WNT2: variants seen among roughly 807,000 people sequenced by gnomAD.
WNT2 encodes protein Wnt-2.
WNT2 carries 12 observed loss-of-function variants against 36.9 expected under a neutral mutation model. That is an observed-to-expected ratio of 0.33 (90% CI 0.21 to 0.53). The LOEUF is 0.53. Among genes scored for constraint, WNT2 ranks in the 20% least tolerant of loss-of-function variants. The probability of loss-of-function intolerance (pLI) is 0.95; values close to 1 mark genes in which losing one functional copy is unlikely to be tolerated. For synonymous variants in WNT2, 163 were observed against 174.6 expected (o/e 0.93, Z 0.52); for missense variants, 379 against 473.1 (o/e 0.80, Z 1.84).
At chr7:117,300,970 G>C (rs1794893501) in intron 3 of WNT2, 1 of 152,162 alleles carries the variant, frequency 6.6e-6, no homozygotes, top group African/African-American at 2.4e-5. Flanking sequence ...TGGGGATGCT[G>C]TTGAGCTGCT....
intron 3 of WNT2, among the ~76,000 whole-genome samples, chr7:117,306,789 T>C (rs927404359): frequency 6.6e-6 from 1 of 152,238 alleles, no homozygotes; most frequent in Non-Finnish European, 1.5e-5. Flanking sequence ...TACTTGTTCA[T>C]GTGACATAGC....
At chr7:117,314,972 C>T (rs1795188501) in intron 3 of WNT2, 99 bp downstream of exon 3, 1 of 1,513,630 alleles carries the variant, frequency 6.6e-7, no homozygotes, top group Admixed American at 2.0e-5. Flanking sequence ...TGTGACTACA[C>T]AGCATTTTAT....
intron 4 of WNT2, among the ~76,000 whole-genome samples, chr7:117,287,231 G>A (rs1563198819): frequency 1.3e-5 from 2 of 152,302 alleles, no homozygotes; most frequent in East Asian, 3.9e-4. Context: ...TGTAGTCCCA[G>A]CTACTCAGGA....
chr7:117,297,866 C>A lies in WNT2; in HGVS notation c.599G>T (p.Arg200Leu). Residue 200 changes from arginine (R) to leucine (L), a missense_variant, in exon 4 of 5, where the codon CGG becomes CTG. Transcript: ENST00000265441. ...NNRAGRKAVKRFLKQECKCHG... is the reference protein window; with the variant it reads ...NNRAGRKAVKLFLKQECKCHG... ...GCACTTGCACTCTTGTTTCAAGAAC[C>A]GCTTTACAGCCTGCCGAAAAAGACA... 1.2e-6 allele frequency: 2 copies of A among 1,608,476 alleles called. No individual in the cohort carries two copies. The highest frequency in any genetic ancestry group is 1.7e-6 in the Non-Finnish European group (2 of 1,175,500).
At chr7:117,321,102 G>A (rs1353185547) in intron 1 of WNT2, among the ~76,000 whole-genome samples, 1 of 152,230 alleles carries the variant, frequency 6.6e-6, no homozygotes, top group Non-Finnish European at 1.5e-5. Flanking sequence ...ATTTGGGGAA[G>A]TGAATGACGG....
At position 117,322,995 on chromosome 7, in the gene WNT2, C is replaced by T. The variant is rs765148993; in HGVS notation, c.-6G>A. 3 of 1,609,914 alleles carry T rather than the reference C, an allele frequency of 1.9e-6. No individual in the cohort carries two copies. The highest frequency in any genetic ancestry group is 1.1e-5 in the South Asian group (1 of 90,786). ...CCACCGAGAGGGGCGTTCATATTAA[C>T]CCCCTTGCGTCTGCATCAGGTCAGA... On this transcript the variant is annotated 5_prime_UTR_variant, in exon 1 of 5. Transcript: ENST00000265441. This position sits in a 1 kb window ranked among gnomAD's most constrained non-coding sequence, Gnocchi z 5.4.
intron 3 of WNT2, among the ~76,000 whole-genome samples, chr7:117,305,974 C>A (rs1213836914): frequency 2.0e-5 from 3 of 152,130 alleles, no homozygotes; most frequent in African/African-American, 7.2e-5. Context: ...CAGTTATTCC[C>A]AATTTTCAGG....
intron 2 of WNT2, among the ~76,000 whole-genome samples, chr7:117,316,731 C>T (rs1795226881): frequency 6.6e-6 from 1 of 152,096 alleles, no homozygotes; most frequent in Non-Finnish European, 1.5e-5. Flanking sequence ...CTCTAACCAT[C>T]AAAAAAGGAA....
chr7:117,292,150 G>A (rs1478716020), intron 4 of WNT2, among the ~76,000 whole-genome samples: 1 of 152,108 alleles, frequency 6.6e-6, no homozygotes. Flanking sequence ...ATTGAAAAGG[G>A]CTTCAAGGCA....
chr7:117,298,499 G>A (rs935819228), intron 3 of WNT2, among the ~76,000 whole-genome samples: 4 of 152,182 alleles, frequency 2.6e-5, no homozygotes, highest in Non-Finnish European at 4.4e-5. Flanking sequence ...CCCTGAGGCT[G>A]ACAGTAACTT....
intron 3 of WNT2, among the ~76,000 whole-genome samples, chr7:117,305,631 C>A (rs944862899): frequency 6.6e-6 from 1 of 152,004 alleles, no homozygotes. Context: ...GCTTGTGGAC[C>A]AAAAAATATT....
In WNT2 at chr7:117,322,536, T is replaced by TACACACAC. The variant is rs144898264; in HGVS notation, c.83+363_83+370dup. Among the ~76,000 whole-genome samples the TACACACAC allele has an allele frequency of 0.062, 7,908 of 127,832 alleles. 255 individuals carry two copies. Among genetic ancestry groups the TACACACAC allele is most frequent in the African/African-American group, 0.074 (2,372 of 32,158 alleles). 83.9% of individuals were successfully genotyped at this position (127,832 alleles called of 152,430 possible). ...GCGGTTGTAGTTTTCAAGGTGAATT[T>TACACACAC]ACACACACACACACACACACACACA... On this transcript the variant is annotated intron_variant, in intron 1 of 4. Coordinates refer to ENST00000265441, the MANE Select transcript of WNT2 (RefSeq NM_003391.3). The surrounding 1 kb of genome is among the most constrained non-coding windows in gnomAD (Gnocchi z 5.4).
At chr7:117,278,503 C>G (rs955069043) in intron 4 of WNT2, 119 bp from the exon 5 acceptor site, 7 of 990,484 alleles carry the variant, frequency 7.1e-6, no homozygotes, top group South Asian at 3.3e-5. Context: ...CTTCCTACAG[C>G]CTGGGGCTGT....
intron 2 of WNT2, 65 bp downstream of exon 2, chr7:117,320,502 A>G (rs1464367716): frequency 4.8e-6 from 7 of 1,460,480 alleles, no homozygotes; most frequent in African/African-American, 4.2e-5. Flanking sequence ...GGGTCTTTGA[A>G]GATGGAGTGA....
intron 2 of WNT2, among the ~76,000 whole-genome samples, chr7:117,317,466 C>A (rs1795243413): frequency 6.6e-6 from 1 of 151,822 alleles, no homozygotes; most frequent in Admixed American, 6.6e-5. Context: ...AGCACATTGA[C>A]TGGTTTTTCA....
At chr7:117,299,686 G>A (rs1794864906) in intron 3 of WNT2, among the ~76,000 whole-genome samples, 1 of 151,818 alleles carries the variant, frequency 6.6e-6, no homozygotes, top group Non-Finnish European at 1.5e-5. Context: ...GTAGAGATGG[G>A]GGTCTCACTG....
At chr7:117,299,523 C>T (rs1185466632) in intron 3 of WNT2, among the ~76,000 whole-genome samples, 5 of 147,250 alleles carry the variant, frequency 3.4e-5, no homozygotes, top group Admixed American at 6.8e-5. Flanking sequence ...GACAGAATCT[C>T]ACCCTGCTGC....
intron 3 of WNT2, among the ~76,000 whole-genome samples, chr7:117,299,030 C>T (rs1331191206): frequency 2.6e-5 from 4 of 151,982 alleles, no homozygotes; most frequent in Admixed American, 1.3e-4. Flanking sequence ...ACGAGCCACC[C>T]CTGGAGGGCA....
rs888050740 is a variant in WNT2 at position 117,277,369 on chromosome 7, C to T, written c.*786G>A. 2.0e-5 allele frequency: 3 copies of T among 152,180 alleles called. No homozygotes were observed. The highest frequency in any genetic ancestry group is 7.2e-5 in the African/African-American group (3 of 41,434). The allele number at this position is 152,180 out of a possible 1,614,324, so 9.4% of individuals were successfully genotyped here. On this transcript the variant is annotated 3_prime_UTR_variant, in exon 5 of 5. Coordinates refer to ENST00000265441, the MANE Select transcript of WNT2 (RefSeq NM_003391.3). ...GACCATTCATCTTCTTTTTAATTCC[C>T]TTCGGATTCTAAGTGAGAAGGAACT...
Sources: allele counts gnomAD v4.1 joint callset (sites outside exome capture counted in the v4.1 genomes callset), GRCh38; gene constraint gnomAD v4.1.1; non-coding constraint Gnocchi (gnomAD v3.1); transcripts MANE v1.5; gene names NCBI Gene and HGNC (gene_info 2026-07-23, HGNC 2026-07-21).